The following TOB2 variants were observed in gnomAD, a reference collection of about 807,000 sequenced individuals.
TOB2 encodes the protein transducer of ERBB2, 2, also known as protein Tob2.
TOB2 carries 3 observed loss-of-function variants against 17.3 expected under a neutral mutation model. The ratio of observed to expected loss-of-function variants is 0.17; its 90% CI spans 0.08 to 0.45. The LOEUF is 0.45. TOB2 is among the 20% of genes least tolerant of loss of function. The probability of loss-of-function intolerance (pLI) is 0.99; values close to 1 mark genes in which losing one functional copy is unlikely to be tolerated. For synonymous variants in TOB2, 163 were observed against 185.6 expected, an observed-to-expected ratio of 0.88 and a Z score of 0.99; for missense variants, 407 against 445.7, an observed-to-expected ratio of 0.91 and a Z score of 0.78.
At chr22:41,446,226 T>G in intron 1 of TOB2, 153 bp downstream of exon 1, 1 of 152,412 alleles carries the variant, frequency 6.6e-6, no homozygotes, top group Non-Finnish European at 1.5e-5. Context: ...GGAGGGAAGC[T>G]GGATGGGGAA....
At position 41,437,392 on chromosome 22, in the gene TOB2, T is replaced by A. The variant is rs965115089; in HGVS notation, c.-47A>T. 1 of 1,550,188 alleles carries A rather than the reference T, an allele frequency of 6.5e-7. No individual in the cohort carries two copies. The highest frequency in any genetic ancestry group is 8.7e-7 in the Non-Finnish European group (1 of 1,151,614). ...TCAGCACAGGGCACGTGTACAGCCT[T>A]GGGCTCCAGGCGGCTCTGGGAAATG... On this transcript the variant is annotated 5_prime_UTR_variant, in exon 2 of 2. Coordinates refer to ENST00000327492, the MANE Select transcript of TOB2 (RefSeq NM_016272.4).
chr22:41,438,069 A>ATC (rs895073583), intron 1 of TOB2, among the ~76,000 whole-genome samples: 1 of 152,166 alleles, frequency 6.6e-6, no homozygotes, highest in African/African-American at 2.4e-5. Context: ...CACTAAAAAA[A>ATC]TCAAGTCCCT....
chr22:41,442,093 T>TC (rs1194515636), intron 1 of TOB2, among the ~76,000 whole-genome samples: 3 of 77,562 alleles, frequency 3.9e-5, no homozygotes, highest in South Asian at 8.3e-4. Context: ...AAATTCTGCC[T>TC]CAAAAAAAAA....
chr22:41,438,946 T>C (rs2146032774), intron 1 of TOB2, among the ~76,000 whole-genome samples: 1 of 152,218 alleles, frequency 6.6e-6, no homozygotes, highest in Middle Eastern at 3.4e-3. Context: ...TTATCAAGTG[T>C]TTTGAGATCC....
rs1262440388 is a variant in TOB2 at position 41,436,110 on chromosome 22, G to A, written c.*201C>T. On this transcript the variant is annotated 3_prime_UTR_variant, in exon 2 of 2. Transcript: ENST00000327492. This position sits in a 1 kb window ranked among gnomAD's most constrained non-coding sequence, Gnocchi z 4.8. ...CCAAATAAATCACAGGCCGGTGGGC[G>A]AGCGGTAAGGGGTGAGTGAAACACA... 14 of 500,134 alleles carry A rather than the reference G, an allele frequency of 2.8e-5. No homozygotes were observed. Among genetic ancestry groups the A allele is most frequent in the Non-Finnish European group, 3.9e-5 (12 of 307,942 alleles). 31.0% of individuals were successfully genotyped at this position (500,134 alleles called of 1,614,324 possible).
intron 1 of TOB2, among the ~76,000 whole-genome samples, chr22:41,438,660 A>AAAAAAAAAAG (rs1445119521): frequency 6.8e-6 from 1 of 146,994 alleles, no homozygotes; most frequent in Non-Finnish European, 1.5e-5. Flanking sequence ...AAAAAAAAAA[A>AAAAAAAAAAG]AGGAATAAGA....
At position 41,444,028 on chromosome 22, in the gene TOB2, C is replaced by G. The variant is rs57738230; in HGVS notation, c.-63+2351G>C. On this transcript the variant is annotated intron_variant, in intron 1 of 1. Coordinates refer to ENST00000327492, the MANE Select transcript of TOB2 (RefSeq NM_016272.4). ...AACCCAAAAAGATACTCAGACACCT[C>G]TAAGCCTTAAATGTGCAAACTGTCC... is the stretch of plus-strand genomic sequence containing the variant. 3.6e-3 allele frequency among the ~76,000 whole-genome samples: 541 copies of G among 152,342 alleles called. 16 individuals are homozygous for G. The East Asian group carries it at 0.069, about 20-fold the overall frequency.
At chr22:41,438,907 G>A (rs2037584963) in intron 1 of TOB2, among the ~76,000 whole-genome samples, 1 of 152,070 alleles carries the variant, frequency 6.6e-6, no homozygotes, top group South Asian at 2.1e-4. Context: ...GGGACTGTCT[G>A]ACCACCTGTC....
Position 41,436,671 on chromosome 22 carries a change from G to A in TOB2, c.675C>T (p.Asn225=). The change falls in exon 2 of 2, where the codon AAC becomes AAT. Residue 225 remains asparagine, a synonymous_variant. Transcript: ENST00000327492. The surrounding 1 kb of genome is among the most constrained non-coding windows in gnomAD (Gnocchi z 4.8). The part of the protein sequence containing the change: ...QQPRMARSPT[N]SLLKHKSLSL... ...AGAGGCTCTTGTGCTTCAGCAGGCT[G>A]TTGGTGGGTGAGCGGGCCATGCGAG... The A allele has an allele frequency of 6.2e-7, 1 of 1,614,060 alleles. No individual in the cohort carries two copies. Among genetic ancestry groups the A allele is most frequent in the Non-Finnish European group, 8.5e-7 (1 of 1,180,006 alleles).
intron 1 of TOB2, among the ~76,000 whole-genome samples, chr22:41,439,303 G>C (rs1946200070): frequency 6.6e-6 from 1 of 152,192 alleles, no homozygotes. Context: ...TCTGTCCTAT[G>C]AAAGACTTGG....
In TOB2 at chr22:41,436,908, C is replaced by T; in HGVS notation, c.438G>A (p.Gln146=). Residue 146 remains glutamine (Q), a synonymous_variant, in exon 2 of 2, where the codon CAG becomes CAA. Coordinates refer to ENST00000327492, the MANE Select transcript of TOB2 (RefSeq NM_016272.4). This position sits in a 1 kb window ranked among gnomAD's most constrained non-coding sequence, Gnocchi z 4.8. ...DAQVFVPIGS[Q]DSSLSNSPSP... ...ATGGGGAGTTGGACAGGGAGCTGTC[C>T]TGGCTGCCAATGGGCACGAACACCT... 1 of 1,614,218 alleles carries T rather than the reference C, an allele frequency of 6.2e-7. No individual in the cohort carries two copies. Among genetic ancestry groups the T allele is most frequent in the Non-Finnish European group, 8.5e-7 (1 of 1,180,044 alleles).
chr22:41,438,648 A>AAAAAAAAAAAAAAAAAAAC, intron 1 of TOB2, among the ~76,000 whole-genome samples: 1 of 144,412 alleles, frequency 6.9e-6, no homozygotes. Flanking sequence ...AAAAAAAAAA[A>AAAAAAAAAAAAAAAAAAAC]AAAAAAAAAA....
chr22:41,437,011 A>T lies in TOB2; in HGVS notation c.335T>A (p.Leu112Gln). The change falls in exon 2 of 2, where the codon CTG (leucine) becomes CAG (glutamine). Residue 112 changes from leucine to glutamine, a missense_variant. By Grantham distance (113) the Leu-to-Gln change is moderately radical. Coordinates refer to ENST00000327492, the MANE Select transcript of TOB2 (RefSeq NM_016272.4). Reference protein sequence around the residue: ...QIGEKGAVKVLYLDDSEGCGA... With the variant: ...QIGEKGAVKVQYLDDSEGCGA... ...GCAACCCTCACTGTCATCCAGGTAC[A>T]GCACTTTCACAGCTCCCTTCTCACC... is the stretch of plus-strand genomic sequence containing the variant. 1 of 1,614,184 alleles carries T rather than the reference A, an allele frequency of 6.2e-7. No individual in the cohort carries two copies. Among genetic ancestry groups the T allele is most frequent in the East Asian group, 2.2e-5 (1 of 44,878 alleles).
At position 41,437,389 on chromosome 22, in the gene TOB2, C is replaced by T. The variant is rs769552183; in HGVS notation, c.-44G>A. The T allele has an allele frequency of 1.9e-6, 3 of 1,551,796 alleles. No individual in the cohort carries two copies. The highest frequency in any genetic ancestry group is 4.1e-5 in the Admixed American group (2 of 49,134). On this transcript the variant is annotated 5_prime_UTR_variant, in exon 2 of 2. Transcript: ENST00000327492. ...GAATCAGCACAGGGCACGTGTACAG[C>T]CTTGGGCTCCAGGCGGCTCTGGGAA...
At chr22:41,437,909 C>T (rs1214721161) in intron 1 of TOB2, among the ~76,000 whole-genome samples, 2 of 141,106 alleles carry the variant, frequency 1.4e-5, no homozygotes, top group Admixed American at 7.4e-5. Context: ...GAGATCATGC[C>T]ACTGTACTCC....
rs758153147 is a variant in TOB2 at position 41,437,072 on chromosome 22, C to G, written c.274G>C (p.Val92Leu). ...GACACCTCAAAGGGATCAATCCAGA[C>G]ACTCAGCTCCTCAGGCACATTGGCC... Reference protein sequence around the residue: ...VRANVPEELSVWIDPFEVSYQ... With the variant: ...VRANVPEELSLWIDPFEVSYQ... The change falls in exon 2 of 2, where the codon GTC (valine) becomes CTC (leucine). Residue 92 changes from valine (V) to leucine (L), a missense_variant. Val to Leu is a conservative substitution (Grantham distance 32). Coordinates refer to ENST00000327492, the MANE Select transcript of TOB2 (RefSeq NM_016272.4). 30 of 1,614,042 alleles carry G rather than the reference C, an allele frequency of 1.9e-5. No homozygotes were observed. The highest frequency in any genetic ancestry group is 2.5e-5 in the Non-Finnish European group (29 of 1,180,046).
intron 1 of TOB2, among the ~76,000 whole-genome samples, chr22:41,440,937 C>T (rs1423685032): frequency 2.0e-5 from 3 of 151,836 alleles, no homozygotes; most frequent in South Asian, 2.1e-4. Context: ...TGAACTCCTA[C>T]GCTCAAGTGA....
intron 1 of TOB2, among the ~76,000 whole-genome samples, chr22:41,440,553 A>G (rs2037605409): frequency 6.8e-6 from 1 of 146,726 alleles, no homozygotes; most frequent in South Asian, 2.2e-4. Flanking sequence ...GACTACAGGC[A>G]TGTACCACCA....
At position 41,437,004 on chromosome 22, in the gene TOB2, C is replaced by G; in HGVS notation, c.342G>C (p.Leu114=). The G allele has an allele frequency of 3.1e-6, 5 of 1,614,154 alleles. No individual in the cohort carries two copies. The highest frequency in any genetic ancestry group is 4.2e-6 in the Non-Finnish European group (5 of 1,180,030). The change falls in exon 2 of 2, where the codon CTG becomes CTC. Residue 114 remains leucine (L), a synonymous_variant. Coordinates refer to ENST00000327492, the MANE Select transcript of TOB2 (RefSeq NM_016272.4). The stretch of plus-strand genomic sequence containing the variant: ...GGGCACCGCAACCCTCACTGTCATC[C>G]AGGTACAGCACTTTCACAGCTCCCT... ...GEKGAVKVLY[L]DDSEGCGAPE...
Sources: allele counts gnomAD v4.1 joint callset (sites outside exome capture counted in the v4.1 genomes callset), GRCh38; gene constraint gnomAD v4.1.1; non-coding constraint Gnocchi (gnomAD v3.1); transcripts MANE v1.5; gene names NCBI Gene and HGNC (gene_info 2026-07-23, HGNC 2026-07-21).